Variants in MCC observed in about 807,000 individuals in gnomAD.
The protein encoded by MCC is colorectal mutant cancer protein.
A neutral mutation model predicts 116.2 loss-of-function variants in MCC; 90 were observed. That is an observed-to-expected ratio of 0.77 (90% CI 0.65 to 0.92). The LOEUF is 0.92. Ranked by LOEUF, MCC falls within the 40% of genes least tolerant of loss-of-function variation. The pLI is 0.00. For synonymous variants in MCC, 578 were observed against 510.5 expected (o/e 1.13, Z -1.78); for missense variants, 1,516 against 1,312.2 (o/e 1.16, Z -2.40).
intron 11 of MCC, among the ~76,000 whole-genome samples, chr5:113,075,309 G>T (rs182742398): frequency 1.3e-5 from 2 of 152,210 alleles, no homozygotes; most frequent in Non-Finnish European, 2.9e-5. Flanking sequence ...TACCATGCCC[G>T]AGCCCCCCTC....
At chr5:113,028,289 T>C (rs981684115) in intron 18 of MCC, among the ~76,000 whole-genome samples, 2 of 152,258 alleles carry the variant, frequency 1.3e-5, no homozygotes, top group Admixed American at 6.5e-5. Flanking sequence ...AGCTGTCTTC[T>C]ATTAAGCCAG....
chr5:113,049,063 A>C (rs767510874), intron 16 of MCC, 30 bp downstream of exon 16: 2 of 1,609,998 alleles, frequency 1.2e-6, no homozygotes, highest in Admixed American at 3.3e-5. Flanking sequence ...CACTGAGCCT[A>C]AGGGTGTCCC....
chr5:113,063,568 C>G (rs548426791), intron 14 of MCC, among the ~76,000 whole-genome samples: 7 of 152,342 alleles, frequency 4.6e-5, no homozygotes, highest in African/African-American at 1.7e-4. Flanking sequence ...ATGTCTGGAA[C>G]TAGGATGAGC....
At chr5:113,156,952 C>G (rs77115231) in intron 3 of MCC, among the ~76,000 whole-genome samples, 7 of 152,144 alleles carry the variant, frequency 4.6e-5, no homozygotes, top group Non-Finnish European at 5.9e-5. Context: ...GTCCAGCCCC[C>G]CTGAGCCCAG....
intron 9 of MCC, among the ~76,000 whole-genome samples, chr5:113,084,521 C>T (rs1755067542): frequency 6.6e-6 from 1 of 152,234 alleles, no homozygotes; most frequent in South Asian, 2.1e-4. Flanking sequence ...TGCCAAATGT[C>T]CCCTGGAGGA....
intron 17 of MCC, among the ~76,000 whole-genome samples, chr5:113,031,626 A>G (rs949569103): frequency 1.3e-5 from 2 of 152,250 alleles, no homozygotes; most frequent in African/African-American, 4.8e-5. Context: ...CACAAACTCA[A>G]TAAGAAATTC....
At chr5:113,150,188 A>G (rs2150290595) in intron 4 of MCC, among the ~76,000 whole-genome samples, 1 of 152,350 alleles carries the variant, frequency 6.6e-6, no homozygotes, top group East Asian at 1.9e-4. Context: ...GAACAGAGCC[A>G]GACAGTGACA....
chr5:113,117,434 T>C (rs753233982), intron 6 of MCC, among the ~76,000 whole-genome samples: 2 of 152,228 alleles, frequency 1.3e-5, no homozygotes, highest in African/African-American at 2.4e-5. Flanking sequence ...ATAGGACACC[T>C]TGCGGGTATA....
chr5:113,337,151 G>A (rs1561529242), intron 3 of MCC, among the ~76,000 whole-genome samples: 1 of 152,158 alleles, frequency 6.6e-6, no homozygotes, highest in Non-Finnish European at 1.5e-5. Flanking sequence ...AGCTCTTGTG[G>A]TGGGTAGGCG....
intron 1 of MCC, among the ~76,000 whole-genome samples, chr5:113,400,358 G>A (rs1769651219): frequency 6.6e-6 from 1 of 151,848 alleles, no homozygotes; most frequent in Non-Finnish European, 1.5e-5. Flanking sequence ...TCTGACCTCA[G>A]GTCATCTGCC....
At position 113,043,591 on chromosome 5, in the gene MCC, C is replaced by CA. The variant is rs1751873769; in HGVS notation, c.2694_2695insT (p.Glu899Ter). The CA allele has an allele frequency of 6.2e-7, 1 of 1,614,010 alleles. No individual in the cohort carries two copies. ...TTCTCGCTGCACGTTGTCCTGAGTTCGGCTAGGGACAGAGCTGGGGAGGCA... is the reference window on the plus strand; with the variant it reads ...TTCTCGCTGCACGTTGTCCTGAGTTCAGGCTAGGGACAGAGCTGGGGAGGCA... On this transcript the variant is annotated frameshift_variant, in exon 17 of 19. Transcript: ENST00000408903. LOFTEE classifies it high-confidence loss of function.
intron 3 of MCC, among the ~76,000 whole-genome samples, chr5:113,232,773 C>G (rs896661024): frequency 6.6e-6 from 1 of 152,046 alleles, no homozygotes; most frequent in African/African-American, 2.4e-5. Flanking sequence ...TTTAGAAAAA[C>G]CCAGACTCTT....
chr5:113,176,646 C>T (rs994920113), intron 3 of MCC, among the ~76,000 whole-genome samples: 6 of 152,268 alleles, frequency 3.9e-5, no homozygotes, highest in African/African-American at 1.2e-4. Flanking sequence ...TAACCCACCC[C>T]GTACATCCAG....
At chr5:113,137,173 C>T (rs1307600446) in intron 5 of MCC, among the ~76,000 whole-genome samples, 1 of 152,158 alleles carries the variant, frequency 6.6e-6, no homozygotes, top group Non-Finnish European at 1.5e-5. Flanking sequence ...CAGGCACCTT[C>T]TCAAGGCAGC....
At chr5:113,110,037 A>C (rs10478110) in intron 6 of MCC, among the ~76,000 whole-genome samples, 72,295 of 151,850 alleles carry the variant, frequency 0.48, 17,634 homozygotes, top group African/African-American at 0.56. Flanking sequence ...CAGGCTAGGA[A>C]CGAACTCCTG....
Position 113,122,677 on chromosome 5 carries a change from G to A in MCC, c.1027+7C>T, listed in dbSNP as rs193009356. The A allele has an allele frequency of 6.9e-4, 1,109 of 1,613,846 alleles. 10 individuals are homozygous for A. The highest frequency in any genetic ancestry group is 4.8e-3 in the Middle Eastern group (29 of 6,056). ...TCTGGCTTGGTGGCAAGGGCAGGCA[G>A]ACTCACCCATGTCAGCAGTAACCAT... On this transcript the variant is annotated splice_region_variant and intron_variant, in intron 6 of 18. Transcript: ENST00000408903.
intron 7 of MCC, 78 bp from the exon 8 acceptor site, chr5:113,102,023 G>C: frequency 2.2e-6 from 3 of 1,387,448 alleles, no homozygotes; most frequent in Non-Finnish European, 3.1e-6. Context: ...GGCTGAACAG[G>C]AATAAATGTC....
At chr5:113,250,629 AT>A (rs1764761511) in intron 3 of MCC, among the ~76,000 whole-genome samples, 1 of 152,208 alleles carries the variant, frequency 6.6e-6, no homozygotes, top group Non-Finnish European at 1.5e-5. Context: ...CAATCACAAA[AT>A]TATGTCACAC....
chr5:113,402,166 C>A (rs1338035878), intron 1 of MCC, among the ~76,000 whole-genome samples: 1 of 151,864 alleles, frequency 6.6e-6, no homozygotes, highest in Non-Finnish European at 1.5e-5. Flanking sequence ...TAGTGGCAGG[C>A]GCCTGTAGTC....
Sources: allele counts gnomAD v4.1 joint callset (sites outside exome capture counted in the v4.1 genomes callset), GRCh38; gene constraint gnomAD v4.1.1; transcripts MANE v1.5; gene names NCBI Gene and HGNC (gene_info 2026-07-23, HGNC 2026-07-21).